Variants in ANO5 observed in about 807,000 individuals in gnomAD.
ANO5 encodes anoctamin 5, also known as anoctamin-5.
A neutral mutation model predicts 121.0 loss-of-function variants in ANO5; 109 were observed. The ratio of observed to expected loss-of-function variants is 0.90; its 90% CI spans 0.77 to 1.06. The LOEUF (loss-of-function observed/expected upper bound fraction) is 1.06. ANO5 is among the 50% of genes least tolerant of loss of function. The probability of loss-of-function intolerance (pLI) is 0.00; values close to 1 mark genes in which losing one functional copy is unlikely to be tolerated. For synonymous variants in ANO5, 406 were observed against 359.9 expected (o/e 1.13, Z -1.45); for missense variants, 1,064 against 1,078.5 (o/e 0.99, Z 0.19).
intron 9 of ANO5, among the ~76,000 whole-genome samples, chr11:22,239,952 A>T (rs1462521786): frequency 6.6e-6 from 1 of 152,074 alleles, no homozygotes. Context: ...CTTGAAAGCT[A>T]TATAAATTTG....
intron 17 of ANO5, among the ~76,000 whole-genome samples, chr11:22,269,534 A>G (rs1269665804): frequency 1.3e-5 from 2 of 149,648 alleles, no homozygotes; most frequent in Non-Finnish European, 3.0e-5. Flanking sequence ...AAGGAAAGAA[A>G]AAAAGAAAAG....
At chr11:22,279,222 A>G (rs1854983310) in intron 21 of ANO5, among the ~76,000 whole-genome samples, 1 of 151,828 alleles carries the variant, frequency 6.6e-6, no homozygotes, top group African/African-American at 2.4e-5. Context: ...ACCATTTGCA[A>G]GTTTGCTAGC....
rs1199037359 is a variant in ANO5 at position 22,274,867 on chromosome 11, TATAA to T, written c.2414+126_2414+129del. 1.5e-5 allele frequency: 19 copies of T among 1,291,880 alleles called. No homozygotes were observed. In the East Asian group the frequency reaches 4.8e-4, roughly 33 times the overall value. 80.0% of individuals were successfully genotyped at this position (1,291,880 alleles called of 1,614,324 possible). On this transcript the variant is annotated intron_variant, in intron 20 of 21. Transcript: ENST00000324559. ...TTTTCTTAGGGCAACAAAAATCCTG[TATAA>T]ATAAAGTGTATCCATTCTAGAATTC...
At chr11:22,237,404 T>G (rs1590262078) in intron 8 of ANO5, among the ~76,000 whole-genome samples, 1 of 152,138 alleles carries the variant, frequency 6.6e-6, no homozygotes, top group East Asian at 1.9e-4. Flanking sequence ...TTACTTTTGT[T>G]TTTTGAGACG....
chr11:22,216,031 G>T (rs186153484), intron 3 of ANO5, among the ~76,000 whole-genome samples: 24 of 151,662 alleles, frequency 1.6e-4, no homozygotes, highest in Admixed American at 1.2e-3. Flanking sequence ...TTATTTTATT[G>T]CTCAGTAATA....
intron 7 of ANO5, among the ~76,000 whole-genome samples, chr11:22,232,903 T>C (rs192946760): frequency 5.5e-4 from 83 of 152,140 alleles, no homozygotes; most frequent in African/African-American, 2.0e-3. Context: ...TGTAGTCCCT[T>C]AAAACAGGGA....
At chr11:22,245,737 T>G (rs1228860804) in intron 9 of ANO5, among the ~76,000 whole-genome samples, 2 of 152,200 alleles carry the variant, frequency 1.3e-5, no homozygotes, top group African/African-American at 4.8e-5. Context: ...TCTCTGTTAG[T>G]CCATCACACA....
intron 3 of ANO5, among the ~76,000 whole-genome samples, chr11:22,217,027 T>A (rs1446531955): frequency 1.3e-5 from 2 of 151,954 alleles, no homozygotes; most frequent in Admixed American, 6.6e-5. Flanking sequence ...TAGGTTAAAA[T>A]ATATTTTATG....
chr11:22,242,712 A>G (rs1853473077), intron 9 of ANO5, among the ~76,000 whole-genome samples: 1 of 152,030 alleles, frequency 6.6e-6, no homozygotes, highest in Non-Finnish European at 1.5e-5. Flanking sequence ...TGCCATATAG[A>G]AAGCTACTCA....
chr11:22,197,930 A>G (rs2133493472), intron 1 of ANO5, among the ~76,000 whole-genome samples: 1 of 152,340 alleles, frequency 6.6e-6, no homozygotes, highest in East Asian at 1.9e-4. Context: ...CTGCCTCTTC[A>G]GTCAGGCCTC....
intron 9 of ANO5, among the ~76,000 whole-genome samples, chr11:22,240,514 C>T (rs1043435796): frequency 1.8e-4 from 28 of 152,048 alleles, no homozygotes; most frequent in Non-Finnish European, 3.1e-4. Context: ...TTAAGTCAAA[C>T]TAGAGGACAC....
intron 18 of ANO5, 111 bp from the exon 19 acceptor site, chr11:22,272,673 T>C (rs1238368614): frequency 1.0e-5 from 10 of 973,062 alleles, no homozygotes; most frequent in African/African-American, 1.6e-5. Flanking sequence ...GCCTGGATTG[T>C]CGTATTCGTG....
In ANO5 at chr11:22,282,484, G is replaced by C. The variant is rs1054307735; in HGVS notation, c.*2719G>C. ...GCCATTATGCAAAGTTATCAAAGAA[G>C]AGGAGAAGGAAAGGAGGACAGATGA... On this transcript the variant is annotated 3_prime_UTR_variant, in exon 22 of 22. Coordinates refer to ENST00000324559, the MANE Select transcript of ANO5 (RefSeq NM_213599.3). The C allele has an allele frequency of 2.0e-5, 3 of 152,158 alleles. No individual in the cohort carries two copies. Among genetic ancestry groups the C allele is most frequent in the African/African-American group, 7.2e-5 (3 of 41,442 alleles). 9.4% of individuals were successfully genotyped at this position (152,158 alleles called of 1,614,324 possible).
chr11:22,252,392 A>G (rs1853854799), intron 12 of ANO5, among the ~76,000 whole-genome samples: 1 of 152,214 alleles, frequency 6.6e-6, no homozygotes, highest in Admixed American at 6.5e-5. Flanking sequence ...GAGATTGTGC[A>G]CCAACACCTG....
In ANO5 at chr11:22,279,837, A is replaced by G. The variant is rs1312191471; in HGVS notation, c.*72A>G. ...TCCTCTGGTTTTAGGGCCAGACGCCAGAAGCCATGTGTCAATTTTACCCTT... is the reference window on the plus strand; with the variant it reads ...TCCTCTGGTTTTAGGGCCAGACGCCGGAAGCCATGTGTCAATTTTACCCTT... On this transcript the variant is annotated 3_prime_UTR_variant, in exon 22 of 22. Transcript: ENST00000324559. 1.7e-5 allele frequency: 22 copies of G among 1,274,462 alleles called. No individual in the cohort carries two copies. Among genetic ancestry groups the G allele is most frequent in the Middle Eastern group, 3.9e-4 (2 of 5,182 alleles). The allele number at this position is 1,274,462 out of a possible 1,614,324, so 78.9% of individuals were successfully genotyped here. A position where few individuals can be genotyped will look rare whatever the true frequency, so the allele number is the denominator to read the frequency against.
intron 1 of ANO5, among the ~76,000 whole-genome samples, chr11:22,199,950 C>A (rs1353848162): frequency 6.6e-6 from 1 of 152,074 alleles, no homozygotes; most frequent in East Asian, 1.9e-4. Context: ...TATTTCACTG[C>A]TGCATTAAAA....
At chr11:22,201,013 C>T (rs1682592808) in intron 1 of ANO5, among the ~76,000 whole-genome samples, 1 of 152,100 alleles carries the variant, frequency 6.6e-6, no homozygotes, top group African/African-American at 2.4e-5. Flanking sequence ...TATAAAATGC[C>T]ATAGTATTTG....
intron 4 of ANO5, among the ~76,000 whole-genome samples, chr11:22,220,563 A>G (rs1239443027): frequency 6.6e-6 from 1 of 152,048 alleles, no homozygotes; most frequent in Non-Finnish European, 1.5e-5. Context: ...TTGTGATGCC[A>G]GCTAATAAGC....
chr11:22,250,338 A>T lies in ANO5; in HGVS notation c.980A>T (p.Tyr327Phe). Residue 327 changes from tyrosine (Y) to phenylalanine (F), a missense_variant, in exon 10 of 22, where the codon TAT (tyrosine) becomes TTT (phenylalanine). By Grantham distance (22) the Tyr-to-Phe change is conservative. Coordinates refer to ENST00000324559, the MANE Select transcript of ANO5 (RefSeq NM_213599.3). ...AAVVGLACFI[Y>F]GLLSMEHNTS... ...GTAGTTGGCTTAGCTTGTTTTATTT[A>T]TGGCTTATTATCAATGGAACATAAC... 6.2e-7 allele frequency: 1 copy of T among 1,613,468 alleles called. No individual in the cohort carries two copies. The highest frequency in any genetic ancestry group is 1.1e-5 in the South Asian group (1 of 91,044).
Sources: allele counts gnomAD v4.1 joint callset (sites outside exome capture counted in the v4.1 genomes callset), GRCh38; gene constraint gnomAD v4.1.1; transcripts MANE v1.5; gene names NCBI Gene and HGNC (gene_info 2026-07-23, HGNC 2026-07-21).